The following MTOR variants were observed in gnomAD, a reference collection of about 807,000 sequenced individuals.
MTOR encodes mechanistic target of rapamycin kinase.
Under a neutral mutation model 319.8 loss-of-function variants are expected in MTOR, and 70 were observed. The observed-to-expected ratio is 0.22, with a 90% CI of 0.18 to 0.27. MTOR has a LOEUF of 0.27. Ranked by LOEUF, MTOR falls within the 10% of genes least tolerant of loss-of-function variation. MTOR has a pLI of 1.00. For missense variants in MTOR, 1,890 were observed against 3,274.4 expected (o/e 0.58, Z 10.32); for synonymous variants, 1,183 against 1,211.4 (o/e 0.98, Z 0.49).
chr1:11,159,502 G>A (rs933082995), intron 29 of MTOR, among the ~76,000 whole-genome samples: 3 of 152,066 alleles, frequency 2.0e-5, no homozygotes, highest in Admixed American at 2.0e-4. Flanking sequence ...TTAGCTGAGC[G>A]TGGTGGTGCA....
rs2100411130 is a variant in MTOR at position 11,127,915 on chromosome 1, G to A, written c.6033+89C>T. On this transcript the variant is annotated intron_variant, in intron 43 of 57. Coordinates refer to ENST00000361445, the MANE Select transcript of MTOR (RefSeq NM_004958.4). The surrounding 1 kb of genome is among the most constrained non-coding windows in gnomAD (Gnocchi z 5.5). ...TTCCAGCAGTCAGAGGAAGTGCACA[G>A]CACCAATGCGAGGAAGAAAAACAAT... 5 of 1,589,532 alleles carry A rather than the reference G, an allele frequency of 3.1e-6. No homozygotes were observed. In the East Asian group the frequency reaches 6.7e-5, roughly 21 times the overall value.
chr1:11,180,862 T>C (rs1476239584), intron 28 of MTOR, among the ~76,000 whole-genome samples: 1 of 151,454 alleles, frequency 6.6e-6, no homozygotes. Flanking sequence ...CTGCAACCTC[T>C]ACCTCCCGAG....
At chr1:11,229,017 C>T (rs1646935104) in intron 18 of MTOR, 99 bp from the exon 19 acceptor site, 2 of 1,415,498 alleles carry the variant, frequency 1.4e-6, no homozygotes, top group Non-Finnish European at 2.0e-6. Context: ...CAGACATTAG[C>T]ATTCATATCT....
At chr1:11,164,348 AAAAAAAG>A (rs1471712348) in intron 29 of MTOR, among the ~76,000 whole-genome samples, 2 of 151,460 alleles carry the variant, frequency 1.3e-5, no homozygotes, top group African/African-American at 4.8e-5. Flanking sequence ...AAAAAAAAAA[AAAAAAAG>A]AGAGAGAGAG....
intron 4 of MTOR, 83 bp from the exon 5 acceptor site, chr1:11,256,275 C>T (rs1650391117): frequency 1.3e-6 from 2 of 1,514,824 alleles, no homozygotes; most frequent in Non-Finnish European, 1.8e-6. Flanking sequence ...CATCTTAGAG[C>T]CATACACACC....
chr1:11,145,123 C>T, intron 32 of MTOR, 78 bp from the exon 33 acceptor site: 2 of 1,190,380 alleles, frequency 1.7e-6, no homozygotes, highest in African/African-American at 3.0e-5. Flanking sequence ...CAACTAGCTA[C>T]AGAAGTTATC....
intron 13 of MTOR, among the ~76,000 whole-genome samples, chr1:11,234,474 C>T (rs537939501): frequency 6.6e-6 from 1 of 152,286 alleles, no homozygotes; most frequent in South Asian, 2.1e-4. Flanking sequence ...AAAAACTATT[C>T]GAAAACCTGC....
intron 9 of MTOR, among the ~76,000 whole-genome samples, chr1:11,242,241 G>A (rs1037111861): frequency 6.6e-6 from 1 of 152,266 alleles, no homozygotes; most frequent in South Asian, 2.1e-4. Context: ...GCACACGCCT[G>A]TAGTCCCAGC....
At position 11,109,419 on chromosome 1, in the gene MTOR, C is replaced by T. The variant is rs1294789030; in HGVS notation, c.7448-49G>A. The T allele has an allele frequency of 1.3e-6, 2 of 1,543,566 alleles. No homozygotes were observed. The highest frequency in any genetic ancestry group is 2.2e-5 in the East Asian group (1 of 44,564). On this transcript the variant is annotated intron_variant, in intron 55 of 57. Transcript: ENST00000361445. The surrounding 1 kb of genome is among the most constrained non-coding windows in gnomAD (Gnocchi z 4.0). ...AACTGTAAGAATGGGAGCAATACAA[C>T]AGGTTCAATGGGTGCCCTGTTTTTC...
At chr1:11,249,358 G>A (rs1322078524) in intron 6 of MTOR, among the ~76,000 whole-genome samples, 1 of 150,964 alleles carries the variant, frequency 6.6e-6, no homozygotes, top group Admixed American at 6.6e-5. Context: ...TTGTCCTCTC[G>A]TCAAAGTCAC....
chr1:11,147,480 CA>C (rs1435875225), intron 31 of MTOR, among the ~76,000 whole-genome samples: 1 of 152,190 alleles, frequency 6.6e-6, no homozygotes, highest in Non-Finnish European at 1.5e-5. Context: ...AGACCATCTG[CA>C]GAAAAGATAT....
intron 13 of MTOR, among the ~76,000 whole-genome samples, chr1:11,236,311 A>G (rs1216916222): frequency 6.6e-6 from 1 of 151,642 alleles, no homozygotes; most frequent in Non-Finnish European, 1.5e-5. Flanking sequence ...TAACTTTCGT[A>G]TATTTTGTAG....
intron 29 of MTOR, among the ~76,000 whole-genome samples, chr1:11,165,145 T>C (rs536186161): frequency 2.1e-3 from 325 of 152,324 alleles, no homozygotes; most frequent in African/African-American, 7.6e-3. Context: ...AATATCATAC[T>C]GAATGGGCAA....
rs1411599672 is a variant in MTOR, at chr1:11,106,537, T to C, written c.*948A>G. 3 of 1,028,134 alleles carry C rather than the reference T, an allele frequency of 2.9e-6. No homozygotes were observed. Among genetic ancestry groups the C allele is most frequent in the African/African-American group, 1.7e-5 (1 of 60,092 alleles). The allele number at this position is 1,028,134 out of a possible 1,614,324, so 63.7% of individuals were successfully genotyped here. A position where few individuals can be genotyped will look rare whatever the true frequency, so the allele number is the denominator to read the frequency against. On this transcript the variant is annotated 3_prime_UTR_variant, in exon 58 of 58. Coordinates refer to ENST00000361445, the MANE Select transcript of MTOR (RefSeq NM_004958.4). ...GACTAAAACGCCACTCATATACATA[T>C]GTTTAAAATTCTGATGTCATTTATT...
At chr1:11,224,176 A>G (rs1056320383) in intron 19 of MTOR, among the ~76,000 whole-genome samples, 2 of 152,120 alleles carry the variant, frequency 1.3e-5, no homozygotes, top group African/African-American at 4.8e-5. Flanking sequence ...GATTAAAAAG[A>G]TAATCTAGCT....
At chr1:11,241,713 C>T (rs1433248189) in intron 9 of MTOR, 32 bp from the exon 10 acceptor site, 2 of 1,588,618 alleles carry the variant, frequency 1.3e-6, no homozygotes, top group Non-Finnish European at 8.6e-7. Flanking sequence ...CTAGTTGAGA[C>T]ATAATGACAT....
chr1:11,229,601 G>A (rs1005176320), intron 18 of MTOR, among the ~76,000 whole-genome samples: 2 of 152,188 alleles, frequency 1.3e-5, no homozygotes, highest in Admixed American at 6.5e-5. Context: ...ACCAGAAGAG[G>A]AAGAAATGTG....
rs1227003085 is a variant in MTOR at position 11,192,885 on chromosome 1, AAAC to A, written c.4253+6370_4253+6372del. On this transcript the variant is annotated intron_variant, in intron 28 of 57. Coordinates refer to ENST00000361445, the MANE Select transcript of MTOR (RefSeq NM_004958.4). Reference sequence around the variant, plus strand: ...TGGCCCCTTCAAATCATTATCAGTCAAACAACAAGCCTTCTAACATAGATCAGA... The same window carrying A: ...TGGCCCCTTCAAATCATTATCAGTCAAACAAGCCTTCTAACATAGATCAGA... Among the ~76,000 whole-genome samples, 19 of 152,284 alleles carry A rather than the reference AAAC, an allele frequency of 1.2e-4. No homozygotes were observed. The East Asian group carries it at 3.3e-3, about 26-fold the overall frequency.
rs571108464 is a variant in MTOR at position 11,246,771 on chromosome 1, T to A, written c.1225+854A>T. ...GAAGAGATGTTCAAGACTGGGTGCC[T>A]ACACTCAGCAAGTAGAGAGGTAAGA... On this transcript the variant is annotated intron_variant, in intron 8 of 57. Coordinates refer to ENST00000361445, the MANE Select transcript of MTOR (RefSeq NM_004958.4). Among the ~76,000 whole-genome samples, 218 of 152,360 alleles carry A rather than the reference T, an allele frequency of 1.4e-3. 1 individual carries two copies. Among genetic ancestry groups the A allele is most frequent in the Non-Finnish European group, 2.7e-3 (184 of 68,036 alleles).
Sources: allele counts gnomAD v4.1 joint callset (sites outside exome capture counted in the v4.1 genomes callset), GRCh38; gene constraint gnomAD v4.1.1; non-coding constraint Gnocchi (gnomAD v3.1); transcripts MANE v1.5; gene names NCBI Gene and HGNC (gene_info 2026-07-23, HGNC 2026-07-21).